Variants in DLC1 observed in about 807,000 individuals in gnomAD.
DLC1 encodes the protein rho GTPase-activating protein 7.
DLC1 carries 54 observed loss-of-function variants against 140.3 expected under a neutral mutation model. That is an observed-to-expected ratio of 0.38 (90% CI 0.31 to 0.48). The LOEUF (loss-of-function observed/expected upper bound fraction) is 0.48, where lower values mean the gene tolerates loss of function less well. DLC1 is among the 20% of genes least tolerant of loss of function. The pLI is 0.96. For synonymous variants in DLC1, 986 were observed against 728.1 expected (o/e 1.35, Z -5.70); for missense variants, 2,536 against 1,907.0 (o/e 1.33, Z -6.14).
At chr8:13,176,344 C>T (rs540468959) in intron 5 of DLC1, among the ~76,000 whole-genome samples, 30 of 152,136 alleles carry the variant, frequency 2.0e-4, no homozygotes, top group African/African-American at 3.6e-4. Context: ...TTTGGGAGGC[C>T]GAGGTGGGTG....
At chr8:13,530,989 G>A (rs1803077010) in intron 1 of DLC1, among the ~76,000 whole-genome samples, 1 of 152,186 alleles carries the variant, frequency 6.6e-6, no homozygotes, top group East Asian at 1.9e-4. Flanking sequence ...GAGACAATTA[G>A]ATTGAAATGA....
At chr8:13,174,584 T>C (rs868630394) in intron 5 of DLC1, among the ~76,000 whole-genome samples, 1 of 152,238 alleles carries the variant, frequency 6.6e-6, no homozygotes, top group African/African-American at 2.4e-5. Context: ...TGGTATCTTC[T>C]TGTGGTTTTG....
At chr8:13,226,368 CA>C in intron 5 of DLC1, among the ~76,000 whole-genome samples, 1 of 152,292 alleles carries the variant, frequency 6.6e-6, no homozygotes, top group Non-Finnish European at 1.5e-5. Context: ...GTGCTGCATA[CA>C]TGATGAATGA....
At chr8:13,382,316 G>T (rs1414096448) in intron 4 of DLC1, among the ~76,000 whole-genome samples, 1 of 151,502 alleles carries the variant, frequency 6.6e-6, no homozygotes, top group African/African-American at 2.4e-5. Context: ...GACCATCCTG[G>T]CTAACACGTT....
intron 2 of DLC1, among the ~76,000 whole-genome samples, chr8:13,459,332 C>G (rs1033241996): frequency 6.6e-6 from 1 of 152,132 alleles, no homozygotes; most frequent in Non-Finnish European, 1.5e-5. Context: ...CTGGATCTAT[C>G]CCAATGTCAG....
At chr8:13,478,888 C>G (rs1800557715) in intron 2 of DLC1, among the ~76,000 whole-genome samples, 1 of 152,220 alleles carries the variant, frequency 6.6e-6, no homozygotes, top group African/African-American at 2.4e-5. Flanking sequence ...CAGATGCTCC[C>G]ACAAAAACTT....
chr8:13,341,392 G>C (rs1247146479), intron 4 of DLC1: 1 of 152,168 alleles, frequency 6.6e-6, no homozygotes, highest in Non-Finnish European at 1.5e-5. Context: ...TTGAACTCCA[G>C]CGTGCGTCAG....
chr8:13,359,051 G>A (rs1835086154), intron 4 of DLC1, among the ~76,000 whole-genome samples: 1 of 152,154 alleles, frequency 6.6e-6, no homozygotes, highest in Non-Finnish European at 1.5e-5. Flanking sequence ...CCATTCTCCT[G>A]CCTCAGCCTC....
chr8:13,453,381 G>A (rs1229227033), intron 2 of DLC1, among the ~76,000 whole-genome samples: 5 of 90,220 alleles, frequency 5.5e-5, no homozygotes, highest in African/African-American at 2.1e-4. Flanking sequence ...GAATAAGATG[G>A]CCCAGGATAT....
At chr8:13,350,821 G>A (rs563614383) in intron 4 of DLC1, among the ~76,000 whole-genome samples, 4 of 152,294 alleles carry the variant, frequency 2.6e-5, no homozygotes, top group African/African-American at 7.2e-5. Flanking sequence ...GTAGCCTTTA[G>A]TGATTCTATT....
At chr8:13,432,446 G>T (rs60839480) in intron 2 of DLC1, among the ~76,000 whole-genome samples, 1 of 152,134 alleles carries the variant, frequency 6.6e-6, no homozygotes, top group Non-Finnish European at 1.5e-5. Context: ...GGAGACATTC[G>T]AATTCTTATT....
At chr8:13,254,005 C>A (rs1252193526) in intron 5 of DLC1, among the ~76,000 whole-genome samples, 2 of 151,964 alleles carry the variant, frequency 1.3e-5, no homozygotes, top group Admixed American at 1.3e-4. Context: ...TTGGCAAAAT[C>A]CTTTTTCCAA....
At chr8:13,433,830 T>A (rs1838992736) in intron 2 of DLC1, among the ~76,000 whole-genome samples, 1 of 152,132 alleles carries the variant, frequency 6.6e-6, no homozygotes, top group Non-Finnish European at 1.5e-5. Context: ...TCCTAAGGAA[T>A]CATATTTTTG....
Position 13,487,192 on chromosome 8 carries a change from T to G in DLC1, c.1023+11857A>C, listed in dbSNP as rs550191257. ...CTCCAGGTTTCAACAAAGAGTATACTTTTGCAAGAAGCAAAATATTGCATT... is the reference window on the plus strand; with the variant it reads ...CTCCAGGTTTCAACAAAGAGTATACGTTTGCAAGAAGCAAAATATTGCATT... On this transcript the variant is annotated intron_variant, in intron 2 of 17. Coordinates refer to ENST00000276297, the MANE Select transcript of DLC1 (RefSeq NM_182643.3). Among the ~76,000 whole-genome samples, 7 of 152,342 alleles carry G rather than the reference T, an allele frequency of 4.6e-5. No individual in the cohort carries two copies. In the East Asian group the frequency reaches 1.4e-3, roughly 29 times the overall value.
chr8:13,167,309 A>G (rs1245373757), intron 5 of DLC1, among the ~76,000 whole-genome samples: 3 of 152,114 alleles, frequency 2.0e-5, no homozygotes, highest in African/African-American at 7.2e-5. Context: ...CCCTTTCTGA[A>G]AGCTTGCAAG....
chr8:13,566,745 C>A, intron 1 of DLC1: 1 of 498,628 alleles, frequency 2.0e-6, no homozygotes, highest in Non-Finnish European at 3.5e-6. Context: ...GCCAACCCGG[C>A]GCAAGCAGCG....
At chr8:13,312,566 T>TC (rs1388831186) in intron 4 of DLC1, among the ~76,000 whole-genome samples, 1 of 151,862 alleles carries the variant, frequency 6.6e-6, no homozygotes, top group Non-Finnish European at 1.5e-5. Context: ...ATAAATCCTT[T>TC]TCAGAATTTA....
At chr8:13,194,392 C>T (rs1010002252) in intron 5 of DLC1, among the ~76,000 whole-genome samples, 1 of 152,196 alleles carries the variant, frequency 6.6e-6, no homozygotes, top group African/African-American at 2.4e-5. Context: ...TACTGATCTC[C>T]TTGGAATATT....
At chr8:13,447,997 A>G (rs981492940) in intron 2 of DLC1, among the ~76,000 whole-genome samples, 5 of 152,216 alleles carry the variant, frequency 3.3e-5, no homozygotes, top group African/African-American at 1.2e-4. Flanking sequence ...GTACAACAAA[A>G]TCTCTGAAAC....
Sources: allele counts gnomAD v4.1 joint callset (sites outside exome capture counted in the v4.1 genomes callset), GRCh38; gene constraint gnomAD v4.1.1; transcripts MANE v1.5; gene names NCBI Gene and HGNC (gene_info 2026-07-23, HGNC 2026-07-21).